ADAMTSL1: variants seen among roughly 807,000 people sequenced by gnomAD.
The protein encoded by ADAMTSL1 is ADAMTS like 1, also known as ADAMTS-like protein 1.
In ADAMTSL1, 126 loss-of-function variants were observed where a neutral mutation model predicts 201.8. The observed-to-expected ratio is 0.62, with a 90% CI of 0.54 to 0.72. ADAMTSL1 has a LOEUF of 0.72. Among genes scored for constraint, ADAMTSL1 ranks in the 30% least tolerant of loss-of-function variants. ADAMTSL1 has a pLI of 0.00. For missense variants in ADAMTSL1, 2,679 were observed against 2,277.8 expected (o/e 1.18, Z -3.59); for synonymous variants, 1,121 against 903.4 (o/e 1.24, Z -4.32).
chr9:18,430,737 T>C (rs1042987920), intron 2 of ADAMTSL1, among the ~76,000 whole-genome samples: 2 of 152,190 alleles, frequency 1.3e-5, no homozygotes. Flanking sequence ...CACACATCCC[T>C]TGAGCTAGAA....
At chr9:18,823,407 C>T (rs1270273923) in intron 21 of ADAMTSL1, among the ~76,000 whole-genome samples, 1 of 152,178 alleles carries the variant, frequency 6.6e-6, no homozygotes, top group Non-Finnish European at 1.5e-5. Context: ...TCCTCTCAAA[C>T]AAGCACAATT....
At chr9:18,629,326 A>T (rs112933890) in intron 5 of ADAMTSL1, among the ~76,000 whole-genome samples, 16 of 152,280 alleles carry the variant, frequency 1.1e-4, no homozygotes, top group African/African-American at 3.8e-4. Flanking sequence ...CTTATTCCTA[A>T]TCTTAAGAGG....
At chr9:18,804,961 CTAAAA>C (rs1488907739) in intron 20 of ADAMTSL1, among the ~76,000 whole-genome samples, 1 of 152,152 alleles carries the variant, frequency 6.6e-6, no homozygotes, top group African/African-American at 2.4e-5. Context: ...TTGCTTTAAA[CTAAAA>C]TATTACCTTA....
chr9:17,997,309 T>G (rs1819422621), intron 1 of ADAMTSL1, among the ~76,000 whole-genome samples: 6 of 152,120 alleles, frequency 3.9e-5, no homozygotes, highest in Admixed American at 2.6e-4. Context: ...CAAACAAGGG[T>G]GTTGGTTACA....
chr9:18,677,070 A>G (rs1041594068), intron 10 of ADAMTSL1, among the ~76,000 whole-genome samples: 8 of 152,094 alleles, frequency 5.3e-5, no homozygotes, highest in Admixed American at 4.6e-4. Flanking sequence ...TATATAATAC[A>G]TATATACAAG....
chr9:18,284,812 A>G (rs1451088780), intron 2 of ADAMTSL1, among the ~76,000 whole-genome samples: 2 of 152,194 alleles, frequency 1.3e-5, no homozygotes, highest in East Asian at 1.9e-4. Flanking sequence ...ATATTGCTGT[A>G]TTATCTGATT....
chr9:18,127,828 C>T (rs567310391), intron 1 of ADAMTSL1, among the ~76,000 whole-genome samples: 5 of 152,214 alleles, frequency 3.3e-5, no homozygotes, highest in South Asian at 2.1e-4. Flanking sequence ...CAAAGACTAC[C>T]GGCATATCAT....
chr9:18,178,481 G>A (rs1345425227), intron 2 of ADAMTSL1, among the ~76,000 whole-genome samples: 4 of 152,276 alleles, frequency 2.6e-5, no homozygotes, highest in African/African-American at 9.6e-5. Context: ...GGCTTGCTTA[G>A]GTGAACAAAG....
At chr9:18,710,665 TG>T (rs764078204) in intron 14 of ADAMTSL1, among the ~76,000 whole-genome samples, 32,099 of 122,798 alleles carry the variant, frequency 0.26, 7,196 homozygotes, top group Non-Finnish European at 0.32. Context: ...GCCTAAGTTT[TG>T]TTTTGTTTTT....
intron 2 of ADAMTSL1, among the ~76,000 whole-genome samples, chr9:18,371,825 T>C (rs1261159713): frequency 6.6e-6 from 1 of 152,140 alleles, no homozygotes; most frequent in East Asian, 1.9e-4. Flanking sequence ...CCCAGAGAGC[T>C]TGAAGGGTAG....
At chr9:17,997,054 TAGTG>T (rs894198464) in intron 1 of ADAMTSL1, among the ~76,000 whole-genome samples, 4 of 152,142 alleles carry the variant, frequency 2.6e-5, no homozygotes, top group African/African-American at 9.6e-5. Context: ...GACCCTTTGA[TAGTG>T]AGCAGTCTCA....
chr9:18,476,150 G>C (rs1399013132), intron 1 of ADAMTSL1, among the ~76,000 whole-genome samples: 1 of 152,160 alleles, frequency 6.6e-6, no homozygotes, highest in African/African-American at 2.4e-5. Flanking sequence ...AGAACTGACT[G>C]ATGTTTACAT....
chr9:18,007,312 A>G (rs1819868855), intron 1 of ADAMTSL1, among the ~76,000 whole-genome samples: 1 of 152,056 alleles, frequency 6.6e-6, no homozygotes, highest in Non-Finnish European at 1.5e-5. Flanking sequence ...GAGGACCAGA[A>G]AAAAATAGCT....
At chr9:17,988,696 C>T (rs1819023150) in intron 1 of ADAMTSL1, among the ~76,000 whole-genome samples, 1 of 151,874 alleles carries the variant, frequency 6.6e-6, no homozygotes, top group African/African-American at 2.4e-5. Context: ...TTCTCCTCTG[C>T]TGATGTCAGC....
rs77657674 is a variant in ADAMTSL1, at chr9:18,156,019, G to C, written c.88-7843G>C. ...GAGAGAGGGAAGACAGAGGGTTGGAGAGGAAGAGTCTCAGACTGCAGCCTA... is the reference window on the plus strand; with the variant it reads ...GAGAGAGGGAAGACAGAGGGTTGGACAGGAAGAGTCTCAGACTGCAGCCTA... On this transcript the variant is annotated intron_variant, in intron 1 of 29. Transcript: ENST00000680146. Among the ~76,000 whole-genome samples the C allele has an allele frequency of 9.7e-3, 1,481 of 152,124 alleles. 31 individuals carry two copies. Among genetic ancestry groups the C allele is most frequent in the African/African-American group, 0.034 (1,401 of 41,524 alleles).
At chr9:18,304,150 T>A (rs1833814642) in intron 2 of ADAMTSL1, among the ~76,000 whole-genome samples, 1 of 151,676 alleles carries the variant, frequency 6.6e-6, no homozygotes, top group African/African-American at 2.4e-5. Context: ...GGCTTTCACT[T>A]TTTTTTTTCT....
chr9:18,802,415 C>T (rs573922505), intron 20 of ADAMTSL1, among the ~76,000 whole-genome samples: 1 of 152,300 alleles, frequency 6.6e-6, no homozygotes, highest in South Asian at 2.1e-4. Flanking sequence ...CACTAATATA[C>T]TTTAAATCTC....
intron 3 of ADAMTSL1, among the ~76,000 whole-genome samples, chr9:18,535,355 T>A (rs116302544): frequency 0.02 from 3,013 of 152,344 alleles, 74 homozygotes; most frequent in African/African-American, 0.063. Flanking sequence ...TGTATCACTA[T>A]CAGCATTTTG....
chr9:18,144,413 C>T (rs1341619336), intron 1 of ADAMTSL1, among the ~76,000 whole-genome samples: 1 of 152,018 alleles, frequency 6.6e-6, no homozygotes, highest in Non-Finnish European at 1.5e-5. Context: ...ACCTTGTTGG[C>T]CAGGCTGGTC....
Sources: allele counts gnomAD v4.1 joint callset (sites outside exome capture counted in the v4.1 genomes callset), GRCh38; gene constraint gnomAD v4.1.1; transcripts MANE v1.5; gene names NCBI Gene and HGNC (gene_info 2026-07-23, HGNC 2026-07-21).